Variants in SLC24A4 observed in about 807,000 individuals in gnomAD.
SLC24A4 encodes the protein sodium/potassium/calcium exchanger 4.
Under a neutral mutation model 79.0 loss-of-function variants are expected in SLC24A4, and 53 were observed. The observed-to-expected ratio is 0.67, with a 90% CI of 0.54 to 0.84. SLC24A4 has a LOEUF of 0.84. Ranked by LOEUF, SLC24A4 falls within the 40% of genes least tolerant of loss-of-function variation. The pLI is 0.00. For missense variants in SLC24A4, 731 were observed against 822.0 expected (o/e 0.89, Z 1.35); for synonymous variants, 323 against 323.8 (o/e 1.00, Z 0.03).
chr14:92,375,948 T>G (rs929276665), intron 2 of SLC24A4, among the ~76,000 whole-genome samples: 4 of 152,208 alleles, frequency 2.6e-5, no homozygotes, highest in Non-Finnish European at 5.9e-5. Flanking sequence ...TTGCATGACA[T>G]TGTGACTGTA....
Position 92,387,845 on chromosome 14 carries a change from A to G in SLC24A4, c.242-46067A>G, listed in dbSNP as rs558049411. Among the ~76,000 whole-genome samples the G allele has an allele frequency of 6.6e-5, 10 of 152,368 alleles. No homozygotes were observed. In the East Asian group the frequency reaches 9.6e-4, roughly 15 times the overall value. ...TTGTGACCAGCGTATTTCACTTAGC[A>G]TGAGTCACCCATGTTGTAGCCTGTG... is the stretch of plus-strand genomic sequence containing the variant. On this transcript the variant is annotated intron_variant, in intron 2 of 16. Transcript: ENST00000532405.
At chr14:92,427,647 G>A (rs1891638359) in intron 2 of SLC24A4, among the ~76,000 whole-genome samples, 1 of 149,910 alleles carries the variant, frequency 6.7e-6, no homozygotes, top group Admixed American at 6.7e-5. Flanking sequence ...AAAAGGAGGT[G>A]GGTGTATCAG....
intron 2 of SLC24A4, among the ~76,000 whole-genome samples, chr14:92,343,622 TTC>T (rs1886309728): frequency 7.4e-6 from 1 of 135,378 alleles, no homozygotes; most frequent in African/African-American, 2.7e-5. Context: ...CTTTCTTTCT[TTC>T]TTTCTTTCTT....
At chr14:92,389,924 G>A (rs767718526) in intron 2 of SLC24A4, among the ~76,000 whole-genome samples, 21 of 152,182 alleles carry the variant, frequency 1.4e-4, no homozygotes, top group Non-Finnish European at 2.2e-4. Flanking sequence ...AGCATCCTCT[G>A]CAGCTTGTTC....
intron 12 of SLC24A4, chr14:92,462,864 C>G (rs1056717726): frequency 6.6e-6 from 1 of 152,178 alleles, no homozygotes; most frequent in African/African-American, 2.4e-5. Flanking sequence ...TACACAATGG[C>G]CTCTGACCCC....
At chr14:92,331,377 A>G (rs1885468179) in intron 2 of SLC24A4, among the ~76,000 whole-genome samples, 2 of 152,196 alleles carry the variant, frequency 1.3e-5, no homozygotes. Flanking sequence ...TCGACCTTCC[A>G]GGCTCAAGCC....
chr14:92,475,500 C>T (rs1894712938), intron 12 of SLC24A4, among the ~76,000 whole-genome samples: 1 of 152,186 alleles, frequency 6.6e-6, no homozygotes, highest in African/African-American at 2.4e-5. Flanking sequence ...TTCAATAATT[C>T]ATAAATTCTT....
chr14:92,430,400 A>C (rs1272984518), intron 2 of SLC24A4, among the ~76,000 whole-genome samples: 1 of 152,222 alleles, frequency 6.6e-6, no homozygotes, highest in Non-Finnish European at 1.5e-5. Context: ...TTTTGTGTGT[A>C]AAGAAAACAG....
At chr14:92,400,012 C>G (rs1251314415) in intron 2 of SLC24A4, among the ~76,000 whole-genome samples, 1 of 152,136 alleles carries the variant, frequency 6.6e-6, no homozygotes, top group Non-Finnish European at 1.5e-5. Flanking sequence ...ACCTCAGCCT[C>G]CCAAAGTGCT....
intron 2 of SLC24A4, among the ~76,000 whole-genome samples, chr14:92,351,025 A>G (rs1886830228): frequency 6.6e-6 from 1 of 152,188 alleles, no homozygotes; most frequent in Non-Finnish European, 1.5e-5. Context: ...GAACCCAACT[A>G]TATTGGCAAG....
chr14:92,346,620 G>A (rs1886548596), intron 2 of SLC24A4, among the ~76,000 whole-genome samples: 1 of 152,216 alleles, frequency 6.6e-6, no homozygotes, highest in Non-Finnish European at 1.5e-5. Context: ...ATAGCTGCTT[G>A]CAGTGGTAGT....
At chr14:92,407,911 T>C (rs945195453) in intron 2 of SLC24A4, among the ~76,000 whole-genome samples, 4 of 147,106 alleles carry the variant, frequency 2.7e-5, no homozygotes, top group African/African-American at 1.0e-4. Context: ...ATTTATTTTT[T>C]GGCCAGGTGT....
chr14:92,335,167 AAAT>A (rs1885711538), intron 2 of SLC24A4, among the ~76,000 whole-genome samples: 1 of 152,264 alleles, frequency 6.6e-6, no homozygotes, highest in Admixed American at 6.5e-5. Flanking sequence ...ACTGAGCAGA[AAAT>A]ACAGAGTTCC....
At chr14:92,463,164 C>T (rs918203290) in intron 12 of SLC24A4, among the ~76,000 whole-genome samples, 1 of 152,134 alleles carries the variant, frequency 6.6e-6, no homozygotes, top group African/African-American at 2.4e-5. Flanking sequence ...CGGAAGATTT[C>T]GGGAAGCTTT....
chr14:92,491,738 G>A lies in SLC24A4; in HGVS notation c.1611G>A (p.Pro537=), dbSNP rs774318634. Residue 537 remains proline, a synonymous_variant, in exon 15 of 17, where the codon CCG becomes CCA. Transcript: ENST00000532405. ...VFDILVGLGV[P]WGLQTMVVNY... Reference sequence around the variant, plus strand: ...ACATCCTGGTAGGACTTGGTGTACCGTGGGGCCTGCAGACCATGGTTGTTA... The same window carrying A: ...ACATCCTGGTAGGACTTGGTGTACCATGGGGCCTGCAGACCATGGTTGTTA... The A allele has an allele frequency of 2.5e-5, 41 of 1,613,776 alleles. No individual in the cohort carries two copies. The highest frequency in any genetic ancestry group is 6.7e-5 in the African/African-American group (5 of 74,906).
intron 12 of SLC24A4, among the ~76,000 whole-genome samples, chr14:92,479,298 A>G (rs945574031): frequency 3.3e-5 from 5 of 152,244 alleles, no homozygotes; most frequent in Middle Eastern, 3.4e-3. Flanking sequence ...GAGGGTTGCA[A>G]TAGCTTTCAA....
At chr14:92,480,085 G>T (rs1894973825) in intron 12 of SLC24A4, among the ~76,000 whole-genome samples, 1 of 149,830 alleles carries the variant, frequency 6.7e-6, no homozygotes, top group South Asian at 2.1e-4. Context: ...CTAGCTAAAG[G>T]TTTGTCAATT....
At position 92,492,762 on chromosome 14, in the gene SLC24A4, T is replaced by G; in HGVS notation, c.1716+522T>G. The G allele has an allele frequency of 1.2e-5, 5 of 433,106 alleles. 1 individual carries two copies. The highest frequency in any genetic ancestry group is 8.0e-5 in the South Asian group (5 of 62,278). 26.8% of individuals were successfully genotyped at this position (433,106 alleles called of 1,614,324 possible). Reference sequence around the variant, plus strand: ...TTCCCAAGGTCACAGAATTGGGCAATGGCAAAGCTAGGATTTGAACCCAGG... The same window carrying G: ...TTCCCAAGGTCACAGAATTGGGCAAGGGCAAAGCTAGGATTTGAACCCAGG... On this transcript the variant is annotated intron_variant, in intron 16 of 16. Coordinates refer to ENST00000532405, the MANE Select transcript of SLC24A4 (RefSeq NM_153646.4).
chr14:92,449,158 T>C lies in SLC24A4; in HGVS notation c.822T>C (p.Ala274=), dbSNP rs753669186. The change falls in exon 10 of 17, where the codon GCT becomes GCC. Residue 274 remains alanine (A), a synonymous_variant. Transcript: ENST00000532405. ...NGNPVNSELE[A]GNDFYDGSYD... Reference sequence around the variant, plus strand: ...ACCCGGTCAACAGTGAGCTGGAGGCTGGTAATGATTTCTATGACGGTAGCT... The same window carrying C: ...ACCCGGTCAACAGTGAGCTGGAGGCCGGTAATGATTTCTATGACGGTAGCT... 3 of 1,614,178 alleles carry C rather than the reference T, an allele frequency of 1.9e-6. No homozygotes were observed. The Admixed American group carries it at 5.0e-5, about 27-fold the overall frequency.
Sources: allele counts gnomAD v4.1 joint callset (sites outside exome capture counted in the v4.1 genomes callset), GRCh38; gene constraint gnomAD v4.1.1; transcripts MANE v1.5; gene names NCBI Gene and HGNC (gene_info 2026-07-23, HGNC 2026-07-21).